Variants in RALGAPA2 observed in about 807,000 individuals in gnomAD.
The protein encoded by RALGAPA2 is ral GTPase-activating protein subunit alpha-2.
A neutral mutation model predicts 230.4 loss-of-function variants in RALGAPA2; 139 were observed. The ratio of observed to expected loss-of-function variants is 0.60; its 90% CI spans 0.53 to 0.69. The LOEUF (loss-of-function observed/expected upper bound fraction) is 0.69. RALGAPA2 is among the 30% of genes least tolerant of loss of function. The probability of loss-of-function intolerance (pLI) is 0.00; values close to 1 mark genes in which losing one functional copy is unlikely to be tolerated. For synonymous variants in RALGAPA2, 847 were observed against 837.8 expected, an observed-to-expected ratio of 1.01 and a Z score of -0.19; for missense variants, 2,163 against 2,276.0, an observed-to-expected ratio of 0.95 and a Z score of 1.01.
chr20:20,667,490 T>C (rs578146771), intron 3 of RALGAPA2, among the ~76,000 whole-genome samples: 3 of 152,312 alleles, frequency 2.0e-5, no homozygotes, highest in Admixed American at 6.5e-5. Flanking sequence ...TCAGTACATA[T>C]AGGCGTGTAA....
intron 12 of RALGAPA2, among the ~76,000 whole-genome samples, chr20:20,618,173 C>T (rs968804537): frequency 7.9e-5 from 12 of 152,148 alleles, no homozygotes; most frequent in Admixed American, 2.6e-4. Context: ...GTAACTCAAC[C>T]TTTCAGAAAA....
At chr20:20,393,508 T>A (rs1284708474) in intron 39 of RALGAPA2, among the ~76,000 whole-genome samples, 1 of 152,240 alleles carries the variant, frequency 6.6e-6, no homozygotes, top group African/African-American at 2.4e-5. Context: ...AATTCAGACT[T>A]ACTGTCCAAT....
chr20:20,683,854 A>G (rs975346635), intron 1 of RALGAPA2, among the ~76,000 whole-genome samples: 1 of 152,174 alleles, frequency 6.6e-6, no homozygotes, highest in Non-Finnish European at 1.5e-5. Flanking sequence ...ATATAAGATA[A>G]TATCTGACAG....
intron 30 of RALGAPA2, among the ~76,000 whole-genome samples, chr20:20,522,010 A>C (rs1364982773): frequency 6.6e-6 from 1 of 152,238 alleles, no homozygotes; most frequent in Non-Finnish European, 1.5e-5. Context: ...GCAGTATAGG[A>C]AAATCCTTAT....
At position 20,536,916 on chromosome 20, in the gene RALGAPA2, T is replaced by C; in HGVS notation, c.3286-132A>G. 4 of 1,068,136 alleles carry C rather than the reference T, an allele frequency of 3.7e-6. 1 individual carries two copies. The highest frequency in any genetic ancestry group is 5.1e-6 in the Non-Finnish European group (4 of 777,386). 66.2% of individuals were successfully genotyped at this position (1,068,136 alleles called of 1,614,324 possible). On this transcript the variant is annotated intron_variant, in intron 24 of 39. Transcript: ENST00000202677. ...GCCGAGTTATTCTCTTCCAAGTGCA[T>C]ATTTAAGCAAAAGAGGTTTGCCTAA...
chr20:20,421,326 G>A (rs554523991), intron 37 of RALGAPA2, among the ~76,000 whole-genome samples: 14 of 152,348 alleles, frequency 9.2e-5, no homozygotes, highest in African/African-American at 3.1e-4. Flanking sequence ...TGAGGACGAT[G>A]AGAAGATGTG....
At chr20:20,668,663 A>G (rs150786126) in intron 3 of RALGAPA2, among the ~76,000 whole-genome samples, 4 of 152,344 alleles carry the variant, frequency 2.6e-5, no homozygotes, top group Non-Finnish European at 5.9e-5. Flanking sequence ...GGGCTATTAT[A>G]TGAGTCCAAA....
intron 38 of RALGAPA2, among the ~76,000 whole-genome samples, chr20:20,407,161 C>A (rs953210163): frequency 6.6e-6 from 1 of 152,156 alleles, no homozygotes; most frequent in African/African-American, 2.4e-5. Flanking sequence ...TAGACATGAT[C>A]TTTCCTGAAG....
chr20:20,423,544 G>A (rs1281921896), intron 37 of RALGAPA2, among the ~76,000 whole-genome samples: 1 of 152,162 alleles, frequency 6.6e-6, no homozygotes, highest in Non-Finnish European at 1.5e-5. Context: ...TGCCTCAAAG[G>A]CACATGCTCC....
chr20:20,482,966 C>G (rs1036497102), intron 36 of RALGAPA2, among the ~76,000 whole-genome samples: 2 of 152,226 alleles, frequency 1.3e-5, no homozygotes, highest in African/African-American at 4.8e-5. Flanking sequence ...CTACCCACAT[C>G]ATGTCCTGGT....
intron 37 of RALGAPA2, among the ~76,000 whole-genome samples, chr20:20,427,467 G>A (rs1023291679): frequency 6.6e-6 from 1 of 151,886 alleles, no homozygotes; most frequent in Admixed American, 6.6e-5. Flanking sequence ...TCATGCAGAT[G>A]TCTCTTCCCC....
At position 20,508,584 on chromosome 20, in the gene RALGAPA2, T is replaced by C. The variant is rs186944879; in HGVS notation, c.4928+2670A>G. 3.3e-3 allele frequency among the ~76,000 whole-genome samples: 497 copies of C among 152,304 alleles called. 2 individuals carry two copies. The highest frequency in any genetic ancestry group is 0.012 in the African/African-American group (479 of 41,566). On this transcript the variant is annotated intron_variant, in intron 33 of 39. Coordinates refer to ENST00000202677, the MANE Select transcript of RALGAPA2 (RefSeq NM_020343.4). ...GACAATCTAGACCATAGCTGCAAGATAGCCTCAACTTTTCCAAAGAACATG... is the reference window on the plus strand; with the variant it reads ...GACAATCTAGACCATAGCTGCAAGACAGCCTCAACTTTTCCAAAGAACATG...
At chr20:20,541,453 G>A (rs567248209) in intron 24 of RALGAPA2, among the ~76,000 whole-genome samples, 2 of 152,308 alleles carry the variant, frequency 1.3e-5, no homozygotes, top group South Asian at 2.1e-4. Flanking sequence ...GGGCTATTAT[G>A]TAAAATAAAG....
At chr20:20,640,924 A>C (rs764307634) in intron 5 of RALGAPA2, 46 bp from the exon 6 acceptor site, 1 of 1,485,908 alleles carries the variant, frequency 6.7e-7, no homozygotes, top group Non-Finnish European at 9.3e-7. Flanking sequence ...ATGTATTTAC[A>C]GAAATGCATT....
rs1387032209 is a variant in RALGAPA2 at position 20,472,906 on chromosome 20, CA to C, written c.5417del (p.Leu1806ArgfsTer17). 6.2e-7 allele frequency: 1 copy of C among 1,613,538 alleles called. No homozygotes were observed. The highest frequency in any genetic ancestry group is 8.5e-7 in the Non-Finnish European group (1 of 1,179,636). Reference sequence around the variant, plus strand: ...ACGTGGCACATACAAGGCTTGGCAGCAGCTTCCCACTCACTATGGCTCCATC... The same window carrying C: ...ACGTGGCACATACAAGGCTTGGCAGCGCTTCCCACTCACTATGGCTCCATC... ...LFDGAIVSGK[L>X]LPSLVCATCI... On this transcript the variant is annotated frameshift_variant, in exon 37 of 40. Transcript: ENST00000202677. LOFTEE classifies it high-confidence loss of function.
chr20:20,525,188 A>C (rs988484711), intron 28 of RALGAPA2, among the ~76,000 whole-genome samples: 1 of 152,218 alleles, frequency 6.6e-6, no homozygotes, highest in Non-Finnish European at 1.5e-5. Context: ...TGGTTTCCAC[A>C]GTTTTCATAG....
intron 14 of RALGAPA2, among the ~76,000 whole-genome samples, chr20:20,608,986 T>G (rs1454813291): frequency 6.6e-6 from 1 of 152,176 alleles, no homozygotes; most frequent in African/African-American, 2.4e-5. Context: ...CACTATTTTT[T>G]ATGGTAGGTT....
chr20:20,456,454 G>T (rs1345081973), intron 37 of RALGAPA2, among the ~76,000 whole-genome samples: 1 of 152,256 alleles, frequency 6.6e-6, no homozygotes, highest in Non-Finnish European at 1.5e-5. Flanking sequence ...GGACAGGCAG[G>T]CTGCTGCTTA....
intron 23 of RALGAPA2, among the ~76,000 whole-genome samples, chr20:20,559,995 T>C (rs1319609492): frequency 6.6e-6 from 1 of 152,210 alleles, no homozygotes; most frequent in Non-Finnish European, 1.5e-5. Flanking sequence ...CAGGATCATT[T>C]GAAATTCTCA....
Sources: allele counts gnomAD v4.1 joint callset (sites outside exome capture counted in the v4.1 genomes callset), GRCh38; gene constraint gnomAD v4.1.1; transcripts MANE v1.5; gene names NCBI Gene and HGNC (gene_info 2026-07-23, HGNC 2026-07-21).